The following KIAA1328 variants were observed in gnomAD, a reference collection of about 807,000 sequenced individuals.
KIAA1328 encodes the protein KIAA1328, also known as protein hinderin.
KIAA1328 carries 52 observed loss-of-function variants against 68.1 expected under a neutral mutation model. The ratio of observed to expected loss-of-function variants is 0.76; its 90% confidence interval spans 0.61 to 0.96. KIAA1328 has a LOEUF of 0.96. Among genes scored for constraint, KIAA1328 ranks in the 40% least tolerant of loss-of-function variants. KIAA1328 has a pLI of 0.00. For missense variants in KIAA1328, 641 were observed against 677.6 expected (o/e 0.95, Z 0.60); for synonymous variants, 232 against 239.4 (o/e 0.97, Z 0.28).
chr18:36,987,507 T>A (rs900362119), intron 6 of KIAA1328, among the ~76,000 whole-genome samples: 42 of 61,118 alleles, frequency 6.9e-4, no homozygotes, highest in African/African-American at 1.4e-3. Flanking sequence ...AATAAATAAA[T>A]AAAAATAAAA....
chr18:37,068,325 G>T (rs1324973252), intron 7 of KIAA1328, among the ~76,000 whole-genome samples: 2 of 152,072 alleles, frequency 1.3e-5, no homozygotes, highest in Admixed American at 6.6e-5. Flanking sequence ...ACCCTTTCTG[G>T]CCATGAAGCA....
chr18:37,219,573 T>A (rs1599631986), intron 9 of KIAA1328, among the ~76,000 whole-genome samples: 1 of 152,142 alleles, frequency 6.6e-6, no homozygotes, highest in Non-Finnish European at 1.5e-5. Flanking sequence ...GTCTCGCGGG[T>A]CGATCTCAGA....
intron 9 of KIAA1328, among the ~76,000 whole-genome samples, chr18:37,204,730 G>A (rs2060183292): frequency 1.8e-5 from 2 of 111,054 alleles, no homozygotes; most frequent in Admixed American, 1.1e-4. Context: ...GAAGCAGAGA[G>A]ACCAAACACA....
chr18:37,213,088 G>T (rs181452377), intron 9 of KIAA1328, among the ~76,000 whole-genome samples: 275 of 152,084 alleles, frequency 1.8e-3, no homozygotes, highest in African/African-American at 6.4e-3. Context: ...ACAACTTTAG[G>T]TGATATAATT....
At chr18:36,922,497 A>G (rs1209767498) in intron 5 of KIAA1328, among the ~76,000 whole-genome samples, 1 of 152,156 alleles carries the variant, frequency 6.6e-6, no homozygotes, top group Non-Finnish European at 1.5e-5. Context: ...CATCATATTA[A>G]ACATTCTTTC....
chr18:36,922,961 A>G (rs536966903), intron 5 of KIAA1328, among the ~76,000 whole-genome samples: 1 of 152,256 alleles, frequency 6.6e-6, no homozygotes, highest in African/African-American at 2.4e-5. Flanking sequence ...ATATTGATAC[A>G]CTTTAATATT....
chr18:37,200,191 C>T (rs1003164053), intron 9 of KIAA1328, among the ~76,000 whole-genome samples: 1 of 152,200 alleles, frequency 6.6e-6, no homozygotes, highest in Non-Finnish European at 1.5e-5. Context: ...CCAGGACACA[C>T]CTCCAAGTTG....
chr18:36,835,201 A>T, intron 2 of KIAA1328, 33 bp from the exon 3 acceptor site: 1 of 1,600,846 alleles, frequency 6.2e-7, no homozygotes, highest in Non-Finnish European at 8.5e-7. Flanking sequence ...AATAAGGTAT[A>T]ATTTTGAAAT....
chr18:37,152,887 A>T (rs1315162959), intron 7 of KIAA1328, among the ~76,000 whole-genome samples: 1 of 152,184 alleles, frequency 6.6e-6, no homozygotes, highest in Admixed American at 6.5e-5. Flanking sequence ...GACATAGATA[A>T]CCAAGCTGGA....
chr18:37,056,418 T>G (rs1599104370), intron 6 of KIAA1328, among the ~76,000 whole-genome samples: 1 of 152,254 alleles, frequency 6.6e-6, no homozygotes, highest in Admixed American at 6.5e-5. Context: ...CTCACAGGTT[T>G]TTTTTTTAAT....
chr18:37,206,812 A>G (rs1423427992), intron 9 of KIAA1328, among the ~76,000 whole-genome samples: 1 of 152,220 alleles, frequency 6.6e-6, no homozygotes, highest in Non-Finnish European at 1.5e-5. Context: ...AGGAAAATAG[A>G]ATTTATAAAG....
At chr18:36,949,560 G>A (rs915309931) in intron 5 of KIAA1328, among the ~76,000 whole-genome samples, 2 of 144,030 alleles carry the variant, frequency 1.4e-5, no homozygotes, top group Non-Finnish European at 3.0e-5. Context: ...AAGACAGAAT[G>A]TAAAGCACCT....
At chr18:36,851,690 A>T (rs893065493) in intron 4 of KIAA1328, among the ~76,000 whole-genome samples, 1 of 147,464 alleles carries the variant, frequency 6.8e-6, no homozygotes, top group African/African-American at 2.5e-5. Context: ...ATTATCTCTT[A>T]TTTTCTTCAT....
chr18:37,158,534 G>C (rs2059207093), intron 7 of KIAA1328, among the ~76,000 whole-genome samples: 1 of 152,124 alleles, frequency 6.6e-6, no homozygotes, highest in Non-Finnish European at 1.5e-5. Context: ...CAGAGGGGAT[G>C]GGTCAAGATG....
chr18:37,142,340 C>T (rs1434834073), intron 7 of KIAA1328, among the ~76,000 whole-genome samples: 3 of 151,740 alleles, frequency 2.0e-5, no homozygotes, highest in African/African-American at 7.3e-5. Flanking sequence ...TACAGGCGCA[C>T]ACCACCACAC....
chr18:37,225,337 T>A (rs147548573), downstream of KIAA1328: 37 of 984,438 alleles, frequency 3.8e-5, no homozygotes, highest in African/African-American at 6.3e-4. Flanking sequence ...TTTCCCCATG[T>A]GGGTTTGATA....
At chr18:36,921,795 A>G (rs1014252599) in intron 5 of KIAA1328, among the ~76,000 whole-genome samples, 4 of 152,220 alleles carry the variant, frequency 2.6e-5, no homozygotes, top group Non-Finnish European at 5.9e-5. Context: ...TCCAAGATTC[A>G]TATCAGTTAC....
chr18:36,948,261 G>GTTTTTTTTTTTTTTT (rs1167822236), intron 5 of KIAA1328, among the ~76,000 whole-genome samples: 28 of 115,762 alleles, frequency 2.4e-4, no homozygotes, highest in Non-Finnish European at 3.2e-4. Context: ...TTTGTCTTTT[G>GTTTTTTTTTTTTTTT]TTTTTTTTTT....
intron 5 of KIAA1328, among the ~76,000 whole-genome samples, chr18:36,928,392 CTT>C (rs2050196950): frequency 6.6e-6 from 1 of 152,100 alleles, no homozygotes; most frequent in South Asian, 2.1e-4. Flanking sequence ...ATTTACTTGA[CTT>C]TATTGTATCT....
Sources: allele counts gnomAD v4.1 joint callset (sites outside exome capture counted in the v4.1 genomes callset), GRCh38; gene constraint gnomAD v4.1.1; transcripts MANE v1.5; gene names NCBI Gene and HGNC (gene_info 2026-07-23, HGNC 2026-07-21).